CNOT6: variants seen among roughly 807,000 people sequenced by gnomAD.
The protein encoded by CNOT6 is CCR4-NOT transcription complex subunit 6, also known as carbon catabolite repression 4 protein.
A neutral mutation model predicts 61.2 loss-of-function variants in CNOT6; 12 were observed. That is an observed-to-expected ratio of 0.20 (90% CI 0.13 to 0.32). The LOEUF (loss-of-function observed/expected upper bound fraction) is 0.32, where lower values mean the gene tolerates loss of function less well. Among genes scored for constraint, CNOT6 ranks in the 10% least tolerant of loss-of-function variants. The pLI is 1.00. For missense variants in CNOT6, 405 were observed against 663.9 expected (o/e 0.61, Z 4.28); for synonymous variants, 225 against 240.6 (o/e 0.94, Z 0.60).
intron 4 of CNOT6, among the ~76,000 whole-genome samples, chr5:180,553,716 C>T (rs965694584): frequency 2.0e-5 from 3 of 152,084 alleles, no homozygotes; most frequent in Admixed American, 2.0e-4. Flanking sequence ...TTAATAAACC[C>T]TGTGTTCTGG....
At chr5:180,511,819 T>C (rs1423310452) in intron 1 of CNOT6, among the ~76,000 whole-genome samples, 1 of 152,152 alleles carries the variant, frequency 6.6e-6, no homozygotes, top group Admixed American at 6.5e-5. Context: ...ACAGGTTCTC[T>C]CTCTGTTGCC....
chr5:180,543,311 G>A (rs1013617502), intron 2 of CNOT6, among the ~76,000 whole-genome samples: 1 of 150,530 alleles, frequency 6.6e-6, no homozygotes, highest in African/African-American at 2.4e-5. Context: ...CACCCACCTC[G>A]GCCTCCCAAA....
chr5:180,494,543 G>A lies in CNOT6; in HGVS notation c.-223G>A. 6.5e-6 allele frequency: 1 copy of A among 153,282 alleles called. No individual in the cohort carries two copies. The highest frequency in any genetic ancestry group is 1.5e-5 in the Non-Finnish European group (1 of 68,402). The allele number at this position is 153,282 out of a possible 1,614,324, so 9.5% of individuals were successfully genotyped here. The stretch of plus-strand genomic sequence containing the variant: ...GAGGCCGGGGGCCGAGAGGGCGGGA[G>A]GGCGTAGTGGCGGCCCGTCGGGGCG... On this transcript the variant is annotated 5_prime_UTR_variant, in exon 1 of 12. Coordinates refer to ENST00000261951, the MANE Select transcript of CNOT6 (RefSeq NM_001370472.1).
intron 9 of CNOT6, among the ~76,000 whole-genome samples, chr5:180,568,544 T>C (rs1299514352): frequency 1.3e-5 from 2 of 151,022 alleles, no homozygotes; most frequent in African/African-American, 4.9e-5. Flanking sequence ...AGAGTGAGAC[T>C]CCTCAAAAAA....
chr5:180,522,362 C>G (rs960752221), intron 1 of CNOT6, among the ~76,000 whole-genome samples: 22 of 152,068 alleles, frequency 1.4e-4, no homozygotes. Flanking sequence ...GATCCGCCCT[C>G]GTAGGCCCCC....
chr5:180,523,692 A>T (rs1471312320), intron 1 of CNOT6, among the ~76,000 whole-genome samples: 1 of 152,076 alleles, frequency 6.6e-6, no homozygotes, highest in Non-Finnish European at 1.5e-5. Context: ...TAAGTCTCTT[A>T]TAACCCCTCA....
At chr5:180,563,099 C>G (rs1046867402) in intron 4 of CNOT6, among the ~76,000 whole-genome samples, 19 of 152,186 alleles carry the variant, frequency 1.2e-4, no homozygotes, top group African/African-American at 4.6e-4. Flanking sequence ...GCCATTTTTC[C>G]CATCCATGCA....
intron 1 of CNOT6, among the ~76,000 whole-genome samples, chr5:180,503,267 T>C (rs561000288): frequency 1.1e-4 from 17 of 150,530 alleles, no homozygotes; most frequent in African/African-American, 2.4e-5. Flanking sequence ...TTTTTCTTTT[T>C]TTTTTTTTTT....
At chr5:180,517,647 G>A (rs1282117722) in intron 1 of CNOT6, among the ~76,000 whole-genome samples, 2 of 151,750 alleles carry the variant, frequency 1.3e-5, no homozygotes, top group African/African-American at 4.8e-5. Flanking sequence ...GGGTTCAAGC[G>A]ATTCCCCTGC....
At chr5:180,529,658 G>A (rs951429934) in intron 2 of CNOT6, among the ~76,000 whole-genome samples, 5 of 152,180 alleles carry the variant, frequency 3.3e-5, no homozygotes, top group Admixed American at 6.5e-5. Context: ...ATAATAACAA[G>A]GATGAAATGA....
intron 9 of CNOT6, 89 bp from the exon 10 acceptor site, chr5:180,569,019 TGA>T: frequency 1.1e-6 from 1 of 913,500 alleles, no homozygotes; most frequent in Non-Finnish European, 1.7e-6. Flanking sequence ...TCTGGGACTC[TGA>T]GAGATTATTT....
rs955354842 is a variant in CNOT6, at chr5:180,576,465, T to C, written c.*2265T>C. 4.6e-5 allele frequency: 7 copies of C among 152,674 alleles called. No individual in the cohort carries two copies. The highest frequency in any genetic ancestry group is 1.7e-4 in the African/African-American group (7 of 41,472). The allele number at this position is 152,674 out of a possible 1,614,324, so 9.5% of individuals were successfully genotyped here. The stretch of plus-strand genomic sequence containing the variant: ...TTACACAAAATGTCTTCATCTGTAT[T>C]TGTTATTGTCTACAATATATTTGAA... On this transcript the variant is annotated 3_prime_UTR_variant, in exon 12 of 12. Transcript: ENST00000261951.
rs1424040974 is a variant in CNOT6, at chr5:180,575,725, C to T, written c.*1525C>T. On this transcript the variant is annotated 3_prime_UTR_variant, in exon 12 of 12. Transcript: ENST00000261951. ...CATGGTCTGCTCTCATTTATTCATT[C>T]TTCTCTCAAAAGTCAAATGAATGCA... 1.3e-5 allele frequency: 2 copies of T among 152,544 alleles called. No homozygotes were observed. Among genetic ancestry groups the T allele is most frequent in the Non-Finnish European group, 2.9e-5 (2 of 68,024 alleles). The allele number at this position is 152,544 out of a possible 1,614,324, so 9.4% of individuals were successfully genotyped here.
intron 2 of CNOT6, among the ~76,000 whole-genome samples, chr5:180,530,553 T>G (rs1443876232): frequency 2.7e-5 from 4 of 149,892 alleles, no homozygotes; most frequent in Non-Finnish European, 5.9e-5. Flanking sequence ...TTTTCCCTCT[T>G]CTGATTTCTT....
intron 2 of CNOT6, among the ~76,000 whole-genome samples, chr5:180,542,788 C>T (rs1454714107): frequency 6.6e-6 from 1 of 152,130 alleles, no homozygotes; most frequent in Non-Finnish European, 1.5e-5. Context: ...TCAGGATAAT[C>T]CCAGCCTTCC....
At chr5:180,521,306 A>G (rs970483363) in intron 1 of CNOT6, among the ~76,000 whole-genome samples, 24 of 152,216 alleles carry the variant, frequency 1.6e-4, no homozygotes, top group African/African-American at 4.6e-4. Flanking sequence ...AATGTAGGTA[A>G]GAAATAAGGT....
intron 1 of CNOT6, among the ~76,000 whole-genome samples, chr5:180,511,173 T>A (rs961961815): frequency 4.6e-5 from 7 of 151,860 alleles, no homozygotes; most frequent in African/African-American, 1.7e-4. Flanking sequence ...TTTCCATTTT[T>A]AAATATAATT....
chr5:180,505,477 C>T lies in CNOT6; in HGVS notation c.-3+10714C>T, dbSNP rs11741030. ...TTTCACTGTGTAGCCATCCTGGTCT[C>T]GATCTCCTGACCTCGTGATCCGCCC... On this transcript the variant is annotated intron_variant, in intron 1 of 11. Coordinates refer to ENST00000261951, the MANE Select transcript of CNOT6 (RefSeq NM_001370472.1). Among the ~76,000 whole-genome samples the T allele has an allele frequency of 3.4e-5, 5 of 145,948 alleles. No individual in the cohort carries two copies. The South Asian group carries it at 6.5e-4, about 19-fold the overall frequency.
intron 3 of CNOT6, among the ~76,000 whole-genome samples, chr5:180,552,003 G>A (rs760827596): frequency 3.1e-4 from 47 of 151,646 alleles, no homozygotes; most frequent in Non-Finnish European, 5.9e-4. Context: ...CAAGTAGCTG[G>A]GATTACAAGC....
Sources: gnomAD v4.1 joint callset for allele counts (sites outside exome capture counted in the v4.1 genomes callset) on GRCh38, gnomAD v4.1.1 for gene constraint, MANE v1.5 for transcripts, NCBI Gene and HGNC (gene_info 2026-07-23, HGNC 2026-07-21) for gene names.